ADGRF3: variants seen among roughly 807,000 people sequenced by gnomAD.
The protein encoded by ADGRF3 is adhesion G protein-coupled receptor F3.
In ADGRF3, 85 loss-of-function variants were observed where a neutral mutation model predicts 93.2. The observed-to-expected ratio is 0.91, with a 90% CI of 0.77 to 1.09. The LOEUF (loss-of-function observed/expected upper bound fraction) is 1.09, where lower values mean the gene tolerates loss of function less well. Ranked by LOEUF, ADGRF3 falls within the 50% of genes least tolerant of loss-of-function variation. The pLI, the probability that ADGRF3 is intolerant of heterozygous loss-of-function variation, is 0.00. For synonymous variants in ADGRF3, 534 were observed against 532.5 expected, an observed-to-expected ratio of 1.00 and a Z score of -0.04; for missense variants, 1,125 against 1,246.2, an observed-to-expected ratio of 0.90 and a Z score of 1.46.
intron 9 of ADGRF3, among the ~76,000 whole-genome samples, chr2:26,312,391 C>CT (rs1674251515): frequency 6.6e-6 from 1 of 152,244 alleles, no homozygotes; most frequent in Non-Finnish European, 1.5e-5. Context: ...TTCTCCCATT[C>CT]TTTGGCCCCT....
intron 1 of ADGRF3, among the ~76,000 whole-genome samples, chr2:26,338,114 T>A (rs566851860): frequency 1.4e-4 from 21 of 152,342 alleles, no homozygotes; most frequent in African/African-American, 5.1e-4. Flanking sequence ...ATTTTAAGCC[T>A]TTGTTTCCTG....
Position 26,316,361 on chromosome 2 carries a change from G to A in ADGRF3, c.413C>T (p.Pro138Leu). The A allele has an allele frequency of 1.2e-5, 18 of 1,551,884 alleles. No homozygotes were observed. The highest frequency in any genetic ancestry group is 1.6e-5 in the Non-Finnish European group (18 of 1,147,018). The change falls in exon 4 of 14, where the codon CCT becomes CTT. Residue 138 changes from proline to leucine, a missense_variant. Pro to Leu is a moderately conservative substitution (Grantham distance 98). Coordinates refer to ENST00000651242, the MANE Select transcript of ADGRF3 (RefSeq NM_001321971.2). The stretch of plus-strand genomic sequence containing the variant: ...CTGGTGGTTGTGGAGGCTTTGACAA[G>A]GAGGGTAATGGAGGCAGATGCTGGT... ...WNTSICLHYPPCQSLHNHQPC... is the reference protein window; with the variant it reads ...WNTSICLHYPLCQSLHNHQPC...
rs1281209126 is a variant in ADGRF3, at chr2:26,346,146, A to T, written c.89T>A (p.Met30Lys). Reference protein sequence around the residue: ...THKHHTGWARMAKTGLPEKGQ... With the variant: ...THKHHTGWARKAKTGLPEKGQ... ...CTTCTCGGGCAGCCCAGTCTTTGCC[A>T]TCCTTGCCCAGCCGGTGTGGTGCTT... Residue 30 changes from methionine (M) to lysine (K), a missense_variant, in exon 1 of 14, where the codon ATG becomes AAG. Transcript: ENST00000651242. 2 of 1,604,724 alleles carry T rather than the reference A, an allele frequency of 1.2e-6. No homozygotes were observed. Among genetic ancestry groups the T allele is most frequent in the East Asian group, 4.5e-5 (2 of 44,456 alleles).
intron 1 of ADGRF3, chr2:26,319,093 G>A (rs559732433): frequency 5.0e-5 from 76 of 1,525,934 alleles, no homozygotes; most frequent in African/African-American, 1.2e-4. Flanking sequence ...GCAAATTTCC[G>A]CAAGGAAGAG....
rs1674426829 is a variant in ADGRF3, at chr2:26,313,899, G to A, written c.933C>T (p.Ser311=). ...AWSPGEGSKA[S]SFNESGSQCF... ...ACTGAGAGCCTGACTCGTTGAAGGA[G>A]GAAGCTGAAGGCAAAACGAAGAAGG... is the stretch of plus-strand genomic sequence containing the variant. Residue 311 remains serine, a synonymous_variant, in exon 7 of 14, where the codon TCC becomes TCT. Transcript: ENST00000651242. 6.2e-7 allele frequency: 1 copy of A among 1,613,866 alleles called. No homozygotes were observed. Among genetic ancestry groups the A allele is most frequent in the Non-Finnish European group, 8.5e-7 (1 of 1,179,910 alleles).
chr2:26,310,300 C>T, intron 10 of ADGRF3, 63 bp from the exon 11 acceptor site: 1 of 1,564,066 alleles, frequency 6.4e-7, no homozygotes, highest in Non-Finnish European at 8.8e-7. Context: ...AATCAACATG[C>T]TCCTTCTGTC....
At chr2:26,344,993 T>C (rs1201313580) in intron 1 of ADGRF3, among the ~76,000 whole-genome samples, 1 of 152,198 alleles carries the variant, frequency 6.6e-6, no homozygotes, top group African/African-American at 2.4e-5. Context: ...AACATAAAAG[T>C]ATCTCAAAAT....
chr2:26,337,082 G>A (rs1432709075), intron 1 of ADGRF3, among the ~76,000 whole-genome samples: 3 of 152,220 alleles, frequency 2.0e-5, no homozygotes, highest in Non-Finnish European at 4.4e-5. Flanking sequence ...CCTACTTACT[G>A]TATTTTTAGC....
chr2:26,334,743 A>G (rs754634298), intron 1 of ADGRF3, among the ~76,000 whole-genome samples: 1 of 152,066 alleles, frequency 6.6e-6, no homozygotes, highest in East Asian at 1.9e-4. Flanking sequence ...AAACCATAGA[A>G]CCTATAGTTA....
chr2:26,316,192 C>A, intron 4 of ADGRF3, 83 bp downstream of exon 4: 1 of 1,415,180 alleles, frequency 7.1e-7, no homozygotes, highest in Non-Finnish European at 9.5e-7. Flanking sequence ...GCTGGCCAAA[C>A]TACAGGTTCA....
chr2:26,324,693 T>C (rs56237142), intron 1 of ADGRF3, among the ~76,000 whole-genome samples: 57,952 of 152,110 alleles, frequency 0.38, 12,286 homozygotes, highest in Non-Finnish European at 0.48. Flanking sequence ...ATGGTGTATA[T>C]GTACCACATT....
intron 1 of ADGRF3, among the ~76,000 whole-genome samples, chr2:26,324,670 T>C (rs1342355821): frequency 6.6e-6 from 1 of 152,240 alleles, no homozygotes; most frequent in African/African-American, 2.4e-5. Flanking sequence ...TTTTTATGGC[T>C]GCATAGTATT....
chr2:26,341,750 A>G, intron 1 of ADGRF3, among the ~76,000 whole-genome samples: 1 of 151,990 alleles, frequency 6.6e-6, no homozygotes, highest in Non-Finnish European at 1.5e-5. Context: ...CTCCTTTCTC[A>G]GCCTTTCAGC....
At position 26,316,417 on chromosome 2, in the gene ADGRF3, A is replaced by G. The variant is rs1035119070; in HGVS notation, c.357T>C (p.Tyr119=). 11 of 1,551,644 alleles carry G rather than the reference A, an allele frequency of 7.1e-6. No homozygotes were observed. Among genetic ancestry groups the G allele is most frequent in the African/African-American group, 6.8e-5 (5 of 73,070 alleles). ...ACTGGTAGCCAGAGAGGCAAGCACA[A>G]TAGAAATTCCCCTTGTGGTTGACAT... ...ECNVNHKGNF[Y]CACLSGYQWN... is the part of the protein sequence containing the mutation. Residue 119 remains tyrosine (Y), a synonymous_variant, in exon 4 of 14, where the codon TAT becomes TAC. Coordinates refer to ENST00000651242, the MANE Select transcript of ADGRF3 (RefSeq NM_001321971.2).
In ADGRF3 at chr2:26,316,444, A is replaced by G. The variant is rs1042981853; in HGVS notation, c.330T>C (p.Cys110=). 4 of 1,551,418 alleles carry G rather than the reference A, an allele frequency of 2.6e-6. No individual in the cohort carries two copies. In the Admixed American group the frequency reaches 7.8e-5, roughly 30 times the overall value. ...LLTGLRLTTE[C]NVNHKGNFYC... ...AGAAATTCCCCTTGTGGTTGACATTACACTCTGACAGAGAGAAGAGAAGAG... is the reference window on the plus strand; with the variant it reads ...AGAAATTCCCCTTGTGGTTGACATTGCACTCTGACAGAGAGAAGAGAAGAG... The change falls in exon 4 of 14, where the codon TGT becomes TGC. Residue 110 remains cysteine (C), a synonymous_variant. Coordinates refer to ENST00000651242, the MANE Select transcript of ADGRF3 (RefSeq NM_001321971.2).
At chr2:26,335,646 T>TC (rs1675997738) in intron 1 of ADGRF3, among the ~76,000 whole-genome samples, 1 of 152,044 alleles carries the variant, frequency 6.6e-6, no homozygotes, top group South Asian at 2.1e-4. Flanking sequence ...AACGCTGTTT[T>TC]TTTTTTCCCA....
intron 1 of ADGRF3, among the ~76,000 whole-genome samples, chr2:26,335,694 T>A (rs993616400): frequency 6.6e-6 from 1 of 152,200 alleles, no homozygotes; most frequent in African/African-American, 2.4e-5. Context: ...CTAATAATGA[T>A]GTATCTTACG....
At chr2:26,338,726 T>A (rs1676193369) in intron 1 of ADGRF3, among the ~76,000 whole-genome samples, 2 of 152,138 alleles carry the variant, frequency 1.3e-5, no homozygotes, top group Non-Finnish European at 2.9e-5. Flanking sequence ...CCTCCCAAAG[T>A]GCTGGGATTA....
At position 26,314,588 on chromosome 2, in the gene ADGRF3, T is replaced by C. The variant is rs1674490445; in HGVS notation, c.754A>G (p.Lys252Glu). Residue 252 changes from lysine (K) to glutamate (E), a missense_variant, in exon 6 of 14, where the codon AAG becomes GAG. By Grantham distance (56) the Lys-to-Glu change is moderately conservative (BLOSUM62 1). Transcript: ENST00000651242. ...YMSCFEAQGF[K>E]WNLYEVVRVP... ...CTCACCACCTCATACAGGTTCCACT[T>C]GAAGCCCTGGGCCTCGAAGCAGCTC... The C allele has an allele frequency of 6.2e-7, 1 of 1,614,040 alleles. No individual in the cohort carries two copies. Among genetic ancestry groups the C allele is most frequent in the Non-Finnish European group, 8.5e-7 (1 of 1,179,896 alleles).
Sources: allele counts gnomAD v4.1 joint callset (sites outside exome capture counted in the v4.1 genomes callset), GRCh38; gene constraint gnomAD v4.1.1; transcripts MANE v1.5; gene names NCBI Gene and HGNC (gene_info 2026-07-23, HGNC 2026-07-21).